KAZN: variants seen among roughly 807,000 people sequenced by gnomAD.
KAZN encodes kazrin.
A neutral mutation model predicts 87.4 loss-of-function variants in KAZN; 40 were observed. That is an observed-to-expected ratio of 0.46 (90% confidence interval 0.36 to 0.60). The LOEUF is 0.60. Among genes scored for constraint, KAZN ranks in the 20% least tolerant of loss-of-function variants. KAZN has a pLI of 0.00. For synonymous variants in KAZN, 466 were observed against 458.3 expected (o/e 1.02, Z -0.22); for missense variants, 898 against 1,073.9 (o/e 0.84, Z 2.29).
chr1:14,440,000 C>T (rs1079223), intron 2 of KAZN, among the ~76,000 whole-genome samples: 3,915 of 152,210 alleles, frequency 0.026, 167 homozygotes, highest in African/African-American at 0.09. Flanking sequence ...TGTTCTGGCT[C>T]TACTTTTTTC....
At chr1:14,898,782 G>A (rs1572766406) in intron 1 of KAZN, among the ~76,000 whole-genome samples, 1 of 152,066 alleles carries the variant, frequency 6.6e-6, no homozygotes, top group Admixed American at 6.5e-5. Context: ...GGGACTTATC[G>A]CCCCAGCACC....
At chr1:14,378,711 G>A (rs7522123) in intron 2 of KAZN, among the ~76,000 whole-genome samples, 7,236 of 152,252 alleles carry the variant, frequency 0.048, 289 homozygotes, top group South Asian at 0.19. Context: ...CCTAGCCAGA[G>A]GGGGATATTC....
intron 2 of KAZN, among the ~76,000 whole-genome samples, chr1:14,336,266 A>G (rs1657263570): frequency 6.6e-6 from 1 of 152,212 alleles, no homozygotes; most frequent in Non-Finnish European, 1.5e-5. Context: ...TGTATTTTCA[A>G]GGTGCATTCA....
At chr1:15,012,984 TCCCAGCGTGTA>T (rs1669728960) in intron 2 of KAZN, among the ~76,000 whole-genome samples, 1 of 152,132 alleles carries the variant, frequency 6.6e-6, no homozygotes, top group Non-Finnish European at 1.5e-5. Context: ...CCAGGCGTGG[TCCCAGCGTGTA>T]CCCAGAGGCT....
intron 1 of KAZN, among the ~76,000 whole-genome samples, chr1:14,030,635 TACACACACACACAC>T (rs60838104): frequency 5.5e-5 from 8 of 145,116 alleles, no homozygotes; most frequent in East Asian, 4.1e-4. Flanking sequence ...TGTACACAGA[TACACACACACACAC>T]ACACACACAC....
At chr1:14,407,282 G>A (rs909683417) in intron 2 of KAZN, among the ~76,000 whole-genome samples, 1 of 152,180 alleles carries the variant, frequency 6.6e-6, no homozygotes, top group African/African-American at 2.4e-5. Context: ...TGGGTCATAG[G>A]ATAGACAAGT....
intron 2 of KAZN, among the ~76,000 whole-genome samples, chr1:14,446,936 G>A (rs1031466446): frequency 2.6e-5 from 4 of 152,062 alleles, no homozygotes; most frequent in Non-Finnish European, 5.9e-5. Flanking sequence ...CATATACAGA[G>A]GGCACATGTA....
chr1:14,009,304 AT>A (rs1412175134), intron 1 of KAZN, among the ~76,000 whole-genome samples: 2 of 152,124 alleles, frequency 1.3e-5, no homozygotes, highest in African/African-American at 4.8e-5. Flanking sequence ...TGTGTTTTTA[AT>A]TTTGCTAGGT....
chr1:14,420,266 C>T (rs377129484), intron 2 of KAZN, among the ~76,000 whole-genome samples: 12 of 152,288 alleles, frequency 7.9e-5, no homozygotes, highest in African/African-American at 2.6e-4. Flanking sequence ...TAAAAGTTCT[C>T]CAAGTCCCCA....
chr1:13,916,703 A>G (rs1426886229), intron 1 of KAZN, among the ~76,000 whole-genome samples: 2 of 151,988 alleles, frequency 1.3e-5, no homozygotes, highest in African/African-American at 4.8e-5. Context: ...AGTTCAAGAG[A>G]CCCTTCCTTC....
At position 14,769,650 on chromosome 1, in the gene KAZN, G is replaced by A. The variant is rs1163284112; in HGVS notation, c.226+170427G>A. On this transcript the variant is annotated intron_variant, in intron 1 of 14. Coordinates refer to ENST00000376030, the MANE Select transcript of KAZN (RefSeq NM_201628.3). This position sits in a 1 kb window ranked among gnomAD's most constrained non-coding sequence, Gnocchi z 4.1. ...ATTACAGGCGTGAGCCACCGTGCCC[G>A]GCCTGCCCTTCCAGGTCTTACCAAC... Among the ~76,000 whole-genome samples, 6 of 152,142 alleles carry A rather than the reference G, an allele frequency of 3.9e-5. No individual in the cohort carries two copies. Among genetic ancestry groups the A allele is most frequent in the African/African-American group, 1.2e-4 (5 of 41,424 alleles).
chr1:14,314,057 G>T (rs1321941817), intron 2 of KAZN, among the ~76,000 whole-genome samples: 4 of 152,164 alleles, frequency 2.6e-5, no homozygotes, highest in Non-Finnish European at 5.9e-5. Flanking sequence ...TGTGATATTA[G>T]ATACAGATAT....
intron 2 of KAZN, among the ~76,000 whole-genome samples, chr1:14,338,094 A>C (rs182789864): frequency 5.3e-4 from 80 of 152,222 alleles, no homozygotes; most frequent in African/African-American, 1.9e-3. Flanking sequence ...AGAGAATCTC[A>C]ATCTGCCTAA....
chr1:14,713,795 A>G (rs9725992), intron 1 of KAZN, among the ~76,000 whole-genome samples: 1 of 121,702 alleles, frequency 8.2e-6, no homozygotes, highest in African/African-American at 2.9e-5. Context: ...AAAAAAAAAA[A>G]AAAAAGAAAG....
At chr1:14,252,248 T>G (rs1162387948) in intron 2 of KAZN, among the ~76,000 whole-genome samples, 1 of 152,238 alleles carries the variant, frequency 6.6e-6, no homozygotes, top group Non-Finnish European at 1.5e-5. Context: ...CAAAGATGGA[T>G]GTTTTATATT....
intron 8 of KAZN, among the ~76,000 whole-genome samples, chr1:15,085,429 G>A (rs1367218057): frequency 6.6e-6 from 1 of 152,180 alleles, no homozygotes; most frequent in Admixed American, 6.5e-5. Context: ...CCAGGTACAA[G>A]CGATTCTCCT....
chr1:15,062,824 T>G (rs953845183), intron 6 of KAZN: 1 of 152,134 alleles, frequency 6.6e-6, no homozygotes, highest in African/African-American at 2.4e-5. Context: ...GGCAACACAA[T>G]GGAAATGTCC....
At chr1:14,590,179 A>C (rs1173325522) in intron 2 of KAZN, among the ~76,000 whole-genome samples, 1 of 152,170 alleles carries the variant, frequency 6.6e-6, no homozygotes, top group Non-Finnish European at 1.5e-5. Flanking sequence ...AGTGAGCAAA[A>C]AAATAAATTA....
In KAZN at chr1:15,094,282, CT is replaced by C; in HGVS notation, c.1326del (p.Met443CysfsTer16). On this transcript the variant is annotated frameshift_variant, in exon 9 of 15. Coordinates refer to ENST00000376030, the MANE Select transcript of KAZN (RefSeq NM_201628.3). LOFTEE classifies it high-confidence loss of function. The surrounding 1 kb of genome is among the most constrained non-coding windows in gnomAD (Gnocchi z 4.5). ...CAGGTGGAGCTGGTGAGGACCACCCCTATGTCCCACTGGAAGGCGGGCACCG... is the reference window on the plus strand; with the variant it reads ...CAGGTGGAGCTGGTGAGGACCACCCCATGTCCCACTGGAAGGCGGGCACCG... The part of the protein sequence containing the change: ...LQQVELVRTT[P>X]MSHWKAGTVQ... 6.2e-7 allele frequency: 1 copy of C among 1,613,994 alleles called. No individual in the cohort carries two copies. The highest frequency in any genetic ancestry group is 8.5e-7 in the Non-Finnish European group (1 of 1,179,894).
Sources: allele counts gnomAD v4.1 joint callset (sites outside exome capture counted in the v4.1 genomes callset), GRCh38; gene constraint gnomAD v4.1.1; non-coding constraint Gnocchi (gnomAD v3.1); transcripts MANE v1.5; gene names NCBI Gene and HGNC (gene_info 2026-07-23, HGNC 2026-07-21).